TRHDE: variants seen among roughly 807,000 people sequenced by gnomAD.
TRHDE encodes the protein thyrotropin-releasing hormone-degrading ectoenzyme.
In TRHDE, 72 loss-of-function variants were observed where a neutral mutation model predicts 125.7. The observed-to-expected ratio is 0.57, with a 90% CI of 0.47 to 0.70. TRHDE has a LOEUF of 0.70. Ranked by LOEUF, TRHDE falls within the 30% of genes least tolerant of loss-of-function variation. The probability of loss-of-function intolerance (pLI) is 0.00; values close to 1 mark genes in which losing one functional copy is unlikely to be tolerated. For missense variants in TRHDE, 1,110 were observed against 1,327.1 expected (o/e 0.84, Z 2.54); for synonymous variants, 509 against 509.1 (o/e 1.00, Z 0.00).
chr12:72,397,983 C>G (rs1334521878), intron 3 of TRHDE, among the ~76,000 whole-genome samples: 3 of 144,890 alleles, frequency 2.1e-5, no homozygotes, highest in Non-Finnish European at 4.5e-5. Context: ...TCCCTCCCCC[C>G]TCCCCCAACC....
chr12:72,241,365 C>T (rs1418197170), intron 2 of TRHDE, among the ~76,000 whole-genome samples: 1 of 152,096 alleles, frequency 6.6e-6, no homozygotes, highest in East Asian at 1.9e-4. Context: ...ACTATCATTT[C>T]ATCTTTTTGT....
At chr12:72,638,159 C>G (rs1463764391) in intron 15 of TRHDE, among the ~76,000 whole-genome samples, 1 of 146,482 alleles carries the variant, frequency 6.8e-6, no homozygotes, top group African/African-American at 2.5e-5. Context: ...GTAGGTCACT[C>G]AGGACTTGCT....
At chr12:72,297,441 A>C (rs1880342993) in intron 2 of TRHDE, among the ~76,000 whole-genome samples, 1 of 152,194 alleles carries the variant, frequency 6.6e-6, no homozygotes, top group Non-Finnish European at 1.5e-5. Context: ...AAGGGAACTG[A>C]GGATAGAATC....
intron 2 of TRHDE, among the ~76,000 whole-genome samples, chr12:72,373,118 T>G (rs1367555040): frequency 6.6e-6 from 1 of 152,166 alleles, no homozygotes; most frequent in Admixed American, 6.5e-5. Flanking sequence ...CCCTTGTAAG[T>G]TGGATTCCTA....
chr12:72,501,135 G>T (rs1373186322), intron 6 of TRHDE, among the ~76,000 whole-genome samples: 1 of 151,034 alleles, frequency 6.6e-6, no homozygotes, highest in Non-Finnish European at 1.5e-5. Flanking sequence ...TACATTTCTG[G>T]GCTATTGTAA....
chr12:72,099,220 T>TA (rs999823794), intron 1 of TRHDE, among the ~76,000 whole-genome samples: 17 of 152,144 alleles, frequency 1.1e-4, no homozygotes, highest in African/African-American at 4.1e-4. Context: ...CAATCACCAC[T>TA]AAAAATTCCA....
chr12:72,461,798 T>A (rs1876138011), intron 3 of TRHDE, among the ~76,000 whole-genome samples: 1 of 152,166 alleles, frequency 6.6e-6, no homozygotes, highest in South Asian at 2.1e-4. Context: ...AAACTTCATC[T>A]TTGTTTGAAA....
At position 72,273,745 on chromosome 12, in the gene TRHDE, C is replaced by T; in HGVS notation, c.914+188C>T. ...TCCCAGATGCCTCGGGGTCTCGCTG[C>T]CGCCAACTTCGCAAACTGACTCACC... is the stretch of plus-strand genomic sequence containing the variant. On this transcript the variant is annotated intron_variant, in intron 1 of 18. Transcript: ENST00000261180. The surrounding 1 kb of genome is among the most constrained non-coding windows in gnomAD (Gnocchi z 5.3). The T allele has an allele frequency of 3.5e-6, 2 of 569,918 alleles. No homozygotes were observed. Among genetic ancestry groups the T allele is most frequent in the East Asian group, 2.8e-5 (1 of 35,790 alleles). The allele number at this position is 569,918 out of a possible 1,614,324, so 35.3% of individuals were successfully genotyped here. A position where few individuals can be genotyped will look rare whatever the true frequency, so the allele number is the denominator to read the frequency against.
At chr12:72,439,578 T>A (rs1874902826) in intron 3 of TRHDE, among the ~76,000 whole-genome samples, 4 of 151,904 alleles carry the variant, frequency 2.6e-5, no homozygotes, top group Admixed American at 2.6e-4. Context: ...TTTTTCTGAT[T>A]TCCTATTTTT....
intron 2 of TRHDE, among the ~76,000 whole-genome samples, chr12:72,318,986 G>C (rs376044217): frequency 3.3e-5 from 5 of 152,162 alleles, no homozygotes; most frequent in African/African-American, 1.2e-4. Flanking sequence ...GGAAGTAGGC[G>C]TGGAGAGAGG....
intron 12 of TRHDE, among the ~76,000 whole-genome samples, chr12:72,600,191 C>A (rs1872152937): frequency 6.6e-6 from 1 of 151,894 alleles, no homozygotes; most frequent in Non-Finnish European, 1.5e-5. Flanking sequence ...TAATGTGATG[C>A]CTCTGGTTTT....
At chr12:72,456,647 A>G (rs1228103728) in intron 3 of TRHDE, among the ~76,000 whole-genome samples, 1 of 152,078 alleles carries the variant, frequency 6.6e-6, no homozygotes, top group Non-Finnish European at 1.5e-5. Context: ...CTATTATGTC[A>G]ATTCCCTGAG....
intron 7 of TRHDE, among the ~76,000 whole-genome samples, chr12:72,549,412 C>G (rs956220908): frequency 6.6e-6 from 1 of 151,794 alleles, no homozygotes; most frequent in African/African-American, 2.4e-5. Context: ...AATTTTCTTT[C>G]TGAAGAGATA....
At chr12:72,526,048 T>TA in intron 6 of TRHDE, among the ~76,000 whole-genome samples, 1 of 152,250 alleles carries the variant, frequency 6.6e-6, no homozygotes, top group Middle Eastern at 3.4e-3. Flanking sequence ...AAGTGTTTGA[T>TA]TGGCCTCCAT....
At chr12:72,182,230 A>G (rs189285506) in intron 2 of TRHDE, among the ~76,000 whole-genome samples, 36 of 152,174 alleles carry the variant, frequency 2.4e-4, no homozygotes, top group African/African-American at 8.7e-4. Context: ...GAGTAACCTT[A>G]CCCTTTTGGC....
intron 3 of TRHDE, among the ~76,000 whole-genome samples, chr12:72,441,816 A>G (rs1001863359): frequency 3.3e-5 from 5 of 151,928 alleles, no homozygotes; most frequent in African/African-American, 1.2e-4. Flanking sequence ...AATAGAAATG[A>G]ACAATAATAT....
At chr12:72,372,630 C>G (rs1266613410) in intron 2 of TRHDE, among the ~76,000 whole-genome samples, 1 of 152,136 alleles carries the variant, frequency 6.6e-6, no homozygotes, top group Non-Finnish European at 1.5e-5. Flanking sequence ...TTCCCAGCAC[C>G]ATTTATTAAA....
At chr12:72,166,090 A>C (rs1876740891) in intron 2 of TRHDE, among the ~76,000 whole-genome samples, 1 of 152,138 alleles carries the variant, frequency 6.6e-6, no homozygotes, top group African/African-American at 2.4e-5. Context: ...GCCATAGCCT[A>C]TTGTTCCTAG....
chr12:72,231,781 G>A (rs76364034), intron 2 of TRHDE, among the ~76,000 whole-genome samples: 2 of 152,178 alleles, frequency 1.3e-5, no homozygotes, highest in African/African-American at 4.8e-5. Context: ...AGTTAATGGT[G>A]GGGACAACTG....
Sources: allele counts gnomAD v4.1 joint callset (sites outside exome capture counted in the v4.1 genomes callset), GRCh38; gene constraint gnomAD v4.1.1; non-coding constraint Gnocchi (gnomAD v3.1); transcripts MANE v1.5; gene names NCBI Gene and HGNC (gene_info 2026-07-23, HGNC 2026-07-21).